The following FRK variants were observed in gnomAD, a reference collection of about 807,000 sequenced individuals.
FRK encodes the protein tyrosine-protein kinase FRK.
FRK carries 51 observed loss-of-function variants against 56.4 expected under a neutral mutation model. The ratio of observed to expected loss-of-function variants is 0.90; its 90% CI spans 0.72 to 1.14. FRK has a LOEUF of 1.14. Among genes scored for constraint, FRK ranks in the 50% most tolerant of loss-of-function variants. The pLI is 0.00. For missense variants in FRK, 570 were observed against 601.4 expected, an observed-to-expected ratio of 0.95 and a Z score of 0.55; for synonymous variants, 245 against 217.9, an observed-to-expected ratio of 1.12 and a Z score of -1.10.
At chr6:116,047,757 T>A (rs1777030819) in intron 1 of FRK, among the ~76,000 whole-genome samples, 1 of 152,218 alleles carries the variant, frequency 6.6e-6, no homozygotes, top group Non-Finnish European at 1.5e-5. Context: ...TCTCACTTCC[T>A]CCTGGAGGTT....
chr6:116,002,604 CA>C, intron 2 of FRK: 1 of 421,178 alleles, frequency 2.4e-6, no homozygotes, highest in Non-Finnish European at 4.9e-6. Context: ...CACTCCGTCT[CA>C]AAAAAACAAA....
rs185859154 is a variant in FRK at position 116,010,958 on chromosome 6, T to C, written c.345-6960A>G. Among the ~76,000 whole-genome samples, 287 of 152,288 alleles carry C rather than the reference T, an allele frequency of 1.9e-3. 3 individuals carry two copies. The highest frequency in any genetic ancestry group is 6.5e-3 in the African/African-American group (269 of 41,552). ...TTCATCCCAAGTGACTCTTCTGTCC[T>C]GCCTGCTGTTCTGGACTAGGACATG... On this transcript the variant is annotated intron_variant, in intron 1 of 7. Transcript: ENST00000606080.
intron 1 of FRK, among the ~76,000 whole-genome samples, chr6:116,019,949 A>G (rs1775803311): frequency 6.6e-6 from 1 of 152,226 alleles, no homozygotes. Flanking sequence ...TTGGTTGCAT[A>G]AGGATTAAAA....
intron 1 of FRK, among the ~76,000 whole-genome samples, chr6:116,049,866 A>G (rs1433899658): frequency 6.6e-6 from 1 of 152,218 alleles, no homozygotes; most frequent in Non-Finnish European, 1.5e-5. Flanking sequence ...AATTCTTTCT[A>G]TGAAGGTTAG....
intron 2 of FRK, among the ~76,000 whole-genome samples, chr6:115,972,093 C>T (rs1773824168): frequency 6.6e-6 from 1 of 152,160 alleles, no homozygotes. Flanking sequence ...TGCCTGCACC[C>T]AATTGCCTCT....
At chr6:116,055,221 C>T (rs138964960) in intron 1 of FRK, among the ~76,000 whole-genome samples, 53 of 152,296 alleles carry the variant, frequency 3.5e-4, no homozygotes, top group Admixed American at 2.9e-3. Context: ...TCTAGTCTGA[C>T]ACACTAAAGA....
At chr6:116,012,991 G>A (rs1775527599) in intron 1 of FRK, among the ~76,000 whole-genome samples, 1 of 152,176 alleles carries the variant, frequency 6.6e-6, no homozygotes, top group African/African-American at 2.4e-5. Context: ...GTGATAAAGT[G>A]ACAATGTCAA....
chr6:116,027,678 G>C (rs2114753138), intron 1 of FRK, among the ~76,000 whole-genome samples: 1 of 151,876 alleles, frequency 6.6e-6, no homozygotes, highest in South Asian at 2.1e-4. Context: ...AAAAGTAAAA[G>C]GGAAAGAAGA....
intron 1 of FRK, among the ~76,000 whole-genome samples, chr6:116,019,181 C>T (rs934962850): frequency 1.3e-4 from 20 of 152,170 alleles, no homozygotes; most frequent in African/African-American, 4.8e-4. Flanking sequence ...TCCTACTTCC[C>T]ATTACACATG....
intron 1 of FRK, among the ~76,000 whole-genome samples, chr6:116,043,767 A>G (rs912508016): frequency 2.0e-5 from 3 of 152,222 alleles, no homozygotes; most frequent in African/African-American, 7.2e-5. Flanking sequence ...TAGAGACATG[A>G]AAAACCCTTC....
chr6:115,960,019 G>A (rs1334651435), intron 4 of FRK, among the ~76,000 whole-genome samples: 1 of 152,102 alleles, frequency 6.6e-6, no homozygotes, highest in African/African-American at 2.4e-5. Context: ...AACAAGTTAA[G>A]AAGTATTTAT....
At chr6:115,950,366 G>A in intron 5 of FRK, among the ~76,000 whole-genome samples, 1 of 152,064 alleles carries the variant, frequency 6.6e-6, no homozygotes, top group East Asian at 1.9e-4. Context: ...GTGGGCAAAG[G>A]ATATGAACAG....
chr6:116,026,553 AGG>A (rs1172232478), intron 1 of FRK, among the ~76,000 whole-genome samples: 25 of 149,894 alleles, frequency 1.7e-4, no homozygotes, highest in African/African-American at 6.1e-4. Flanking sequence ...GAAGGAAGGA[AGG>A]AAGGAAGGAA....
At chr6:116,009,751 ATAAT>A (rs1775393291) in intron 1 of FRK, among the ~76,000 whole-genome samples, 1 of 152,248 alleles carries the variant, frequency 6.6e-6, no homozygotes, top group Admixed American at 6.5e-5. Context: ...ATTTAAGTCT[ATAAT>A]TATGTAAATT....
chr6:116,051,026 C>A (rs910184308), intron 1 of FRK, among the ~76,000 whole-genome samples: 6 of 152,150 alleles, frequency 3.9e-5, no homozygotes, highest in African/African-American at 1.4e-4. Flanking sequence ...AATAGCATTA[C>A]AATTACCTTA....
chr6:116,046,719 G>A (rs185423756), intron 1 of FRK, among the ~76,000 whole-genome samples: 16 of 152,082 alleles, frequency 1.1e-4, no homozygotes, highest in African/African-American at 3.1e-4. Context: ...ACCATGGCAC[G>A]TGTATACCTA....
intron 2 of FRK, among the ~76,000 whole-genome samples, chr6:115,987,621 C>T (rs185908142): frequency 2.5e-4 from 38 of 152,126 alleles, no homozygotes; most frequent in Admixed American, 2.3e-3. Context: ...CTTTCCTATA[C>T]GGGTGTCTCT....
At chr6:115,983,502 T>A (rs1315221055) in intron 2 of FRK, among the ~76,000 whole-genome samples, 1 of 152,164 alleles carries the variant, frequency 6.6e-6, no homozygotes, top group Non-Finnish European at 1.5e-5. Flanking sequence ...CTTACAGTAT[T>A]TTTCTCCATC....
At chr6:116,032,172 G>A (rs1582735787) in intron 1 of FRK, among the ~76,000 whole-genome samples, 2 of 151,984 alleles carry the variant, frequency 1.3e-5, no homozygotes, top group South Asian at 2.1e-4. Flanking sequence ...TTTTTTCTGA[G>A]AAGATCAACA....
Sources: gnomAD v4.1 joint callset for allele counts (sites outside exome capture counted in the v4.1 genomes callset) on GRCh38, gnomAD v4.1.1 for gene constraint, MANE v1.5 for transcripts, NCBI Gene and HGNC (gene_info 2026-07-23, HGNC 2026-07-21) for gene names.